Variants in GNA15 observed in about 807,000 individuals in gnomAD.
The protein encoded by GNA15 is guanine nucleotide-binding protein subunit alpha-15.
In GNA15, 23 loss-of-function variants were observed where a neutral mutation model predicts 40.1. The observed-to-expected ratio is 0.57, with a 90% CI of 0.41 to 0.81. The LOEUF (loss-of-function observed/expected upper bound fraction) is 0.81. GNA15 is among the 40% of genes least tolerant of loss of function. GNA15 has a pLI of 0.00. For missense variants in GNA15, 522 were observed against 515.8 expected (o/e 1.01, Z -0.12); for synonymous variants, 226 against 210.4 (o/e 1.07, Z -0.64).
chr19:3,162,685 C>A, intron 6 of GNA15, 108 bp from the exon 7 acceptor site: 2 of 676,280 alleles, frequency 3.0e-6, no homozygotes, highest in East Asian at 2.7e-5. Context: ...AAATGACAGG[C>A]GCGATCCCTG....
At chr19:3,140,043 AAATCTATCTATCT>A (rs1276357243) in intron 1 of GNA15, among the ~76,000 whole-genome samples, 16 of 42,510 alleles carry the variant, frequency 3.8e-4, no homozygotes, top group African/African-American at 1.4e-3. Flanking sequence ...CAAAAAAAAA[AAATCTATCTATCT>A]ATCTATCTAT....
At chr19:3,150,734 A>C (rs1002551525) in intron 3 of GNA15, among the ~76,000 whole-genome samples, 1 of 142,476 alleles carries the variant, frequency 7.0e-6, no homozygotes, top group African/African-American at 2.7e-5. Flanking sequence ...TTCCTGGGGG[A>C]ACCGTATTCC....
At position 3,148,702 on chromosome 19, in the gene GNA15, T is replaced by A; in HGVS notation, c.257T>A (p.Ile86Asn). 3.7e-6 allele frequency: 6 copies of A among 1,602,218 alleles called. No homozygotes were observed. The highest frequency in any genetic ancestry group is 5.1e-6 in the Non-Finnish European group (6 of 1,174,934). Residue 86 changes from isoleucine (I) to asparagine (N), a missense_variant, in exon 2 of 7, where the codon ATC becomes AAC. Physicochemically the swap from Ile to Asn is moderately radical, Grantham distance 149. Coordinates refer to ENST00000262958, the MANE Select transcript of GNA15 (RefSeq NM_002068.4). ...TTCCGGCCCCTGGTCTACCAGAACA[T>A]CTTCGTGTCCATGCGGGCCATGATC... ...KGFRPLVYQNIFVSMRAMIEA... is the reference protein window; with the variant it reads ...KGFRPLVYQNNFVSMRAMIEA...
At chr19:3,160,937 C>CTTTTTTT (rs149959587) in intron 6 of GNA15, among the ~76,000 whole-genome samples, 1 of 101,458 alleles carries the variant, frequency 9.9e-6, no homozygotes, top group Non-Finnish European at 1.9e-5. Flanking sequence ...GGTATGACCA[C>CTTTTTTT]TTTTTTTTTT....
intron 5 of GNA15, 62 bp from the exon 6 acceptor site, chr19:3,157,666 G>A: frequency 1.3e-6 from 2 of 1,491,510 alleles, no homozygotes; most frequent in Non-Finnish European, 1.9e-6. Context: ...TCTCCGCGAT[G>A]GGAGGGTTTC....
At chr19:3,154,402 T>C (rs1000456546) in intron 4 of GNA15, among the ~76,000 whole-genome samples, 1 of 15,162 alleles carries the variant, frequency 6.6e-5, no homozygotes, top group Non-Finnish European at 1.3e-4. Flanking sequence ...GGTGGGAGGG[T>C]GGGTGGATGG....
In GNA15 at chr19:3,163,031, C is replaced by G; in HGVS notation, c.*12C>G. Reference sequence around the variant, plus strand: ...TCAACCTGCTGTGACCCAGGCCCCACCTGGGGCAGGCGGCACCGGCGGGCG... The same window carrying G: ...TCAACCTGCTGTGACCCAGGCCCCAGCTGGGGCAGGCGGCACCGGCGGGCG... On this transcript the variant is annotated 3_prime_UTR_variant, in exon 7 of 7. Transcript: ENST00000262958. 2 of 1,594,074 alleles carry G rather than the reference C, an allele frequency of 1.3e-6. No homozygotes were observed. Among genetic ancestry groups the G allele is most frequent in the Non-Finnish European group, 1.7e-6 (2 of 1,162,228 alleles).
In GNA15 at chr19:3,152,544, G is replaced by A. The variant is rs117894812; in HGVS notation, c.614+709G>A. ...CCACCTTAGCTGGCAGACAGAGGTG[G>A]GAATGGCCAGTGCAGCACCCTAACC... On this transcript the variant is annotated intron_variant, in intron 4 of 6. Coordinates refer to ENST00000262958, the MANE Select transcript of GNA15 (RefSeq NM_002068.4). 6.2e-4 allele frequency among the ~76,000 whole-genome samples: 94 copies of A among 152,208 alleles called. 1 individual carries two copies. In the East Asian group the frequency reaches 0.017, roughly 27 times the overall value.
At chr19:3,158,137 A>G (rs1346346540) in intron 6 of GNA15, among the ~76,000 whole-genome samples, 1 of 152,026 alleles carries the variant, frequency 6.6e-6, no homozygotes, top group Non-Finnish European at 1.5e-5. Flanking sequence ...TATCACGTAC[A>G]CCTTAAACAT....
rs186060679 is a variant in GNA15, at chr19:3,140,734, A to G, written c.145+4139A>G. Among the ~76,000 whole-genome samples the G allele has an allele frequency of 1.6e-3, 245 of 150,164 alleles. 1 individual carries two copies. The highest frequency in any genetic ancestry group is 5.9e-3 in the African/African-American group (242 of 40,860). The stretch of plus-strand genomic sequence containing the variant: ...TGAGCCTGCCATATAGTAGATGCTC[A>G]AGAAATGCTGAATGAATGAATGAAT... On this transcript the variant is annotated intron_variant, in intron 1 of 6. Coordinates refer to ENST00000262958, the MANE Select transcript of GNA15 (RefSeq NM_002068.4).
At chr19:3,152,822 T>C (rs944216591) in intron 4 of GNA15, among the ~76,000 whole-genome samples, 5 of 152,170 alleles carry the variant, frequency 3.3e-5, no homozygotes, top group Non-Finnish European at 5.9e-5. Flanking sequence ...TGTTTTGGCC[T>C]CTTCAATAGT....
At chr19:3,138,452 G>A (rs749135486) in intron 1 of GNA15, among the ~76,000 whole-genome samples, 7 of 152,106 alleles carry the variant, frequency 4.6e-5, no homozygotes, top group East Asian at 1.9e-4. Flanking sequence ...TTCTGGACTC[G>A]CGTTTGTCTG....
intron 1 of GNA15, chr19:3,143,333 G>C (rs1012050780): frequency 7.2e-5 from 11 of 152,134 alleles, no homozygotes; most frequent in Admixed American, 3.3e-4. Context: ...ATTCAGGCAG[G>C]GTAAAGGAAC....
At position 3,140,630 on chromosome 19, in the gene GNA15, T is replaced by C. The variant is rs375893822; in HGVS notation, c.145+4035T>C. ...TGTTTATTGTTTATCTCTCCAGCTA[T>C]ACAGCAAGCAACAAAAGGGTAGGGA... On this transcript the variant is annotated intron_variant, in intron 1 of 6. Coordinates refer to ENST00000262958, the MANE Select transcript of GNA15 (RefSeq NM_002068.4). 3.9e-5 allele frequency among the ~76,000 whole-genome samples: 6 copies of C among 152,304 alleles called. No individual in the cohort carries two copies. The East Asian group carries it at 9.6e-4, about 24-fold the overall frequency.
chr19:3,141,204 C>T (rs957459459), intron 1 of GNA15, among the ~76,000 whole-genome samples: 1 of 151,888 alleles, frequency 6.6e-6, no homozygotes, highest in African/African-American at 2.4e-5. Context: ...ACCTGTAGTC[C>T]CAGTTACTCG....
intron 4 of GNA15, among the ~76,000 whole-genome samples, chr19:3,152,966 G>A (rs1247587296): frequency 2.0e-5 from 3 of 152,116 alleles, no homozygotes; most frequent in Admixed American, 2.0e-4. Context: ...AGTAGAAGTT[G>A]GTAAATGTGG....
intron 4 of GNA15, among the ~76,000 whole-genome samples, chr19:3,152,755 G>A (rs1324470446): frequency 6.6e-6 from 1 of 152,098 alleles, no homozygotes; most frequent in Non-Finnish European, 1.5e-5. Flanking sequence ...CAGAGACAGC[G>A]ATTGTGTTTG....
At position 3,148,917 on chromosome 19, in the gene GNA15, C is replaced by T. The variant is rs1599324586; in HGVS notation, c.330+142C>T. The T allele has an allele frequency of 1.0e-5, 8 of 762,066 alleles. No individual in the cohort carries two copies. In the Admixed American group the frequency reaches 2.3e-4, roughly 22 times the overall value. The allele number at this position is 762,066 out of a possible 1,614,324, so 47.2% of individuals were successfully genotyped here. ...GCAGGCAGGGAAGGGTCCCCAGACC[C>T]TGGGGCAAGGCCATGTCCTCCAGAC... On this transcript the variant is annotated intron_variant, in intron 2 of 6. Transcript: ENST00000262958.
chr19:3,136,981 C>G lies in GNA15; in HGVS notation c.145+386C>G, dbSNP rs1309287278. Among the ~76,000 whole-genome samples, 2 of 152,196 alleles carry G rather than the reference C, an allele frequency of 1.3e-5. No homozygotes were observed. The highest frequency in any genetic ancestry group is 4.8e-5 in the African/African-American group (2 of 41,450). The stretch of plus-strand genomic sequence containing the variant: ...GCCAGCCCACCCGTAAGGGAGGGGC[C>G]GGCTCCAGCCTCTCCTTCACCAGGA... On this transcript the variant is annotated intron_variant, in intron 1 of 6. Coordinates refer to ENST00000262958, the MANE Select transcript of GNA15 (RefSeq NM_002068.4). The surrounding 1 kb of genome is among the most constrained non-coding windows in gnomAD (Gnocchi z 4.9).
Sources: gnomAD v4.1 joint callset for allele counts (sites outside exome capture counted in the v4.1 genomes callset) on GRCh38, gnomAD v4.1.1 for gene constraint, Gnocchi (gnomAD v3.1) non-coding constraint, MANE v1.5 for transcripts, NCBI Gene and HGNC (gene_info 2026-07-23, HGNC 2026-07-21) for gene names.